SEMA3A: variants seen among roughly 807,000 people sequenced by gnomAD.
SEMA3A encodes semaphorin-3A.
In SEMA3A, 29 loss-of-function variants were observed where a neutral mutation model predicts 97.9. That is an observed-to-expected ratio of 0.30 (90% CI 0.22 to 0.40). SEMA3A has a LOEUF of 0.40. SEMA3A is among the 10% of genes least tolerant of loss of function. The probability of loss-of-function intolerance (pLI) is 1.00; values close to 1 mark genes in which losing one functional copy is unlikely to be tolerated. For synonymous variants in SEMA3A, 321 were observed against 323.7 expected, an observed-to-expected ratio of 0.99 and a Z score of 0.09; for missense variants, 763 against 951.3, an observed-to-expected ratio of 0.80 and a Z score of 2.60.
rs1790103068 is a variant in SEMA3A at position 83,994,243 on chromosome 7, T to C, written c.1452+7712A>G. ...TAAATTTTTTGCAAAGTTTTCAACT[T>C]CTTTGCCTTTGGTTTGAATGTCCTC... On this transcript the variant is annotated intron_variant, in intron 12 of 16. Transcript: ENST00000265362. Among the ~76,000 whole-genome samples the C allele has an allele frequency of 2.0e-5, 2 of 98,788 alleles. 1 individual carries two copies. The highest frequency in any genetic ancestry group is 7.8e-5 in the African/African-American group (2 of 25,602). The allele number at this position is 98,788 out of a possible 152,430, so 64.8% of individuals were successfully genotyped here.
At chr7:84,143,260 T>G (rs576099570) in intron 1 of SEMA3A, among the ~76,000 whole-genome samples, 1 of 152,184 alleles carries the variant, frequency 6.6e-6, no homozygotes, top group African/African-American at 2.4e-5. Context: ...ATCCCCTTCC[T>G]TTGATTTTCA....
At chr7:84,286,078 A>C (rs767852513) in intron 3 of SEMA3A, among the ~76,000 whole-genome samples, 1 of 152,144 alleles carries the variant, frequency 6.6e-6, no homozygotes, top group African/African-American at 2.4e-5. Flanking sequence ...TAAGGATTAA[A>C]ATTCCACTGA....
Position 84,376,495 on chromosome 7 carries a change from T to G in SEMA3A, c.-245-4595A>C, listed in dbSNP as rs573204008. Among the ~76,000 whole-genome samples, 14 of 138,724 alleles carry G rather than the reference T, an allele frequency of 1.0e-4. 1 individual carries two copies. Among genetic ancestry groups the G allele is most frequent in the Non-Finnish European group, 1.9e-4 (12 of 64,860 alleles). 91.0% of individuals were successfully genotyped at this position (138,724 alleles called of 152,430 possible). On this transcript the variant is annotated intron_variant, in intron 1 of 3. Transcript: ENST00000424555. ...GGCGGGCGCCTGTAGTCCCAGCTAC[T>G]TGGGAGGCTGAGGCAGGAGAATGGC...
Position 83,979,872 on chromosome 7 carries a change from T to C in SEMA3A, c.1652+1449A>G, listed in dbSNP as rs1231523429. Among the ~76,000 whole-genome samples the C allele has an allele frequency of 5.3e-5, 8 of 152,214 alleles. No homozygotes were observed. The East Asian group carries it at 1.5e-3, about 29-fold the overall frequency. ...TAAGTAGGCATTAGGGCCATTTCTT[T>C]GCTCAAATATTTTACCAAATATTCA... On this transcript the variant is annotated intron_variant, in intron 14 of 16. Transcript: ENST00000265362.
intron 1 of SEMA3A, among the ~76,000 whole-genome samples, chr7:84,435,655 T>A (rs1805108375): frequency 6.6e-6 from 1 of 151,946 alleles, no homozygotes. Context: ...TACAAAACAC[T>A]GATGAAAGAA....
At chr7:83,994,572 G>A (rs187854033) in intron 12 of SEMA3A, among the ~76,000 whole-genome samples, 6,230 of 137,008 alleles carry the variant, frequency 0.045, 639 homozygotes, top group African/African-American at 0.16. Context: ...GGAATACCCT[G>A]CCGTGTGAGG....
At chr7:84,140,876 G>T (rs1189688768) in intron 1 of SEMA3A, among the ~76,000 whole-genome samples, 1 of 152,120 alleles carries the variant, frequency 6.6e-6, no homozygotes, top group Non-Finnish European at 1.5e-5. Flanking sequence ...TTAGAAAAAA[G>T]GGGGTGGGAG....
intron 3 of SEMA3A, among the ~76,000 whole-genome samples, chr7:84,263,694 A>C (rs892122160): frequency 1.3e-5 from 2 of 152,174 alleles, no homozygotes; most frequent in Non-Finnish European, 2.9e-5. Context: ...TCTGAAAATG[A>C]TGTTCCATGC....
chr7:84,194,605 C>A lies in SEMA3A; in HGVS notation c.-19G>T, dbSNP rs776978042. On this transcript the variant is annotated 5_prime_UTR_variant, in exon 1 of 17. Coordinates refer to ENST00000265362, the MANE Select transcript of SEMA3A (RefSeq NM_006080.3). ...AGCCCATGCTGCAGACGCTGTAGGT[C>A]CCTTTGCTGCTTTAGTCTTCCTTCC... is the stretch of plus-strand genomic sequence containing the variant. The A allele has an allele frequency of 8.9e-6, 13 of 1,457,196 alleles. No homozygotes were observed. The highest frequency in any genetic ancestry group is 1.2e-5 in the Non-Finnish European group (12 of 1,038,074). 90.3% of individuals were successfully genotyped at this position (1,457,196 alleles called of 1,614,324 possible).
At chr7:84,438,495 G>A (rs1233458243) in intron 1 of SEMA3A, among the ~76,000 whole-genome samples, 1 of 152,084 alleles carries the variant, frequency 6.6e-6, no homozygotes, top group African/African-American at 2.4e-5. Flanking sequence ...TCACTCATCT[G>A]TGAACCGTAA....
intron 1 of SEMA3A, among the ~76,000 whole-genome samples, chr7:84,431,925 C>A (rs906167704): frequency 6.6e-6 from 1 of 151,678 alleles, no homozygotes; most frequent in African/African-American, 2.4e-5. Context: ...GAAGAAAAAA[C>A]GACTTTCTCC....
intron 1 of SEMA3A, among the ~76,000 whole-genome samples, chr7:84,393,786 G>GT (rs1196107980): frequency 1.3e-5 from 2 of 152,182 alleles, no homozygotes; most frequent in Non-Finnish European, 1.5e-5. Context: ...AAAGAGGTGT[G>GT]TATCTTCCAT....
chr7:84,454,457 T>C (rs1002803748), intron 1 of SEMA3A, among the ~76,000 whole-genome samples: 3 of 152,166 alleles, frequency 2.0e-5, no homozygotes, highest in Non-Finnish European at 4.4e-5. Context: ...TATTTGACAC[T>C]GGCAAGTCTG....
intron 1 of SEMA3A, among the ~76,000 whole-genome samples, chr7:84,192,776 G>A (rs369804685): frequency 6.6e-6 from 1 of 151,828 alleles, no homozygotes; most frequent in African/African-American, 2.4e-5. Context: ...ATATATTCAA[G>A]CCTAGCAGAT....
At chr7:84,353,855 T>TAG (rs1802492951) in intron 2 of SEMA3A, among the ~76,000 whole-genome samples, 1 of 151,680 alleles carries the variant, frequency 6.6e-6, no homozygotes, top group Non-Finnish European at 1.5e-5. Flanking sequence ...CTTTTAGGTT[T>TAG]ACATTTTTTG....
intron 1 of SEMA3A, among the ~76,000 whole-genome samples, chr7:84,381,928 T>C (rs892610606): frequency 6.6e-6 from 1 of 152,116 alleles, no homozygotes; most frequent in African/African-American, 2.4e-5. Context: ...TTTTTAAACA[T>C]TTACTTAAGT....
At chr7:84,120,595 G>A (rs1473729360) in intron 3 of SEMA3A, among the ~76,000 whole-genome samples, 1 of 152,044 alleles carries the variant, frequency 6.6e-6, no homozygotes, top group South Asian at 2.1e-4. Flanking sequence ...CATAAGATAA[G>A]GCATTTACTG....
At chr7:84,255,458 T>C (rs147791052) in intron 3 of SEMA3A, among the ~76,000 whole-genome samples, 15 of 152,228 alleles carry the variant, frequency 9.9e-5, no homozygotes, top group South Asian at 2.1e-4. Context: ...ACAAAGATTG[T>C]AGAATTCCAA....
At chr7:84,318,317 G>GTTTTTTTTTTTT (rs71522699) in intron 2 of SEMA3A, among the ~76,000 whole-genome samples, 1 of 97,798 alleles carries the variant, frequency 1.0e-5, no homozygotes, top group African/African-American at 3.9e-5. Context: ...TGATTTCTTG[G>GTTTTTTTTTTTT]TTTTTTTTTT....
Sources: allele counts gnomAD v4.1 joint callset (sites outside exome capture counted in the v4.1 genomes callset), GRCh38; gene constraint gnomAD v4.1.1; transcripts MANE v1.5; gene names NCBI Gene and HGNC (gene_info 2026-07-23, HGNC 2026-07-21).